Variants in METAP1D observed in about 807,000 individuals in gnomAD.
METAP1D encodes methionine aminopeptidase 1D, mitochondrial.
Under a neutral mutation model 40.5 loss-of-function variants are expected in METAP1D, and 31 were observed. That is an observed-to-expected ratio of 0.77 (90% CI 0.58 to 1.03). METAP1D has a LOEUF of 1.03. Ranked by LOEUF, METAP1D falls within the 50% of genes least tolerant of loss-of-function variation. METAP1D has a pLI of 0.00. For missense variants in METAP1D, 411 were observed against 420.7 expected, an observed-to-expected ratio of 0.98 and a Z score of 0.20; for synonymous variants, 151 against 146.4, an observed-to-expected ratio of 1.03 and a Z score of -0.22.
chr2:172,015,275 G>A (rs567248761), intron 1 of METAP1D, among the ~76,000 whole-genome samples: 1 of 152,266 alleles, frequency 6.6e-6, no homozygotes, highest in Admixed American at 6.5e-5. Context: ...AGCCAGGCAT[G>A]GTGGCGCCCA....
rs1426878908 is a variant in METAP1D at position 172,080,250 on chromosome 2, G to A, written c.929+44G>A. 4 of 1,613,904 alleles carry A rather than the reference G, an allele frequency of 2.5e-6. No individual in the cohort carries two copies. In the East Asian group the frequency reaches 8.9e-5, roughly 36 times the overall value. ...GTTGCTTTTAAATTGTATGGGAAAGGAAGATTGGTCCGACGGCGCGCTTGT... is the reference window on the plus strand; with the variant it reads ...GTTGCTTTTAAATTGTATGGGAAAGAAAGATTGGTCCGACGGCGCGCTTGT... On this transcript the variant is annotated intron_variant, in intron 9 of 9. Transcript: ENST00000315796.
chr2:172,008,497 C>T (rs1232709348), intron 1 of METAP1D, among the ~76,000 whole-genome samples: 2 of 152,162 alleles, frequency 1.3e-5, no homozygotes, highest in African/African-American at 4.8e-5. Flanking sequence ...GGTATGTTCC[C>T]AGACCCTCAG....
intron 1 of METAP1D, among the ~76,000 whole-genome samples, chr2:172,033,188 C>T (rs892283021): frequency 1.3e-5 from 2 of 151,784 alleles, no homozygotes; most frequent in Admixed American, 6.6e-5. Flanking sequence ...CACCAAGATA[C>T]AACTGGTAAG....
At chr2:172,045,443 TTG>T (rs1195128511) in intron 1 of METAP1D, among the ~76,000 whole-genome samples, 1 of 120,966 alleles carries the variant, frequency 8.3e-6, no homozygotes, top group African/African-American at 2.7e-5. Flanking sequence ...GGCAGATCAC[TTG>T]AGGTTGGGAG....
rs1689335065 is a variant in METAP1D at position 172,034,983 on chromosome 2, TTTC to T, written c.41-26512_41-26510del. On this transcript the variant is annotated intron_variant, in intron 1 of 9. Transcript: ENST00000315796. ...GAGAAACCCTGATTGTTAGAATTTT[TTTC>T]TTTTTTTTTTTTTTGTTGTTTTATT... Among the ~76,000 whole-genome samples, 9 of 149,724 alleles carry T rather than the reference TTTC, an allele frequency of 6.0e-5. No individual in the cohort carries two copies. The Admixed American group carries it at 6.0e-4, about 10-fold the overall frequency.
At chr2:172,053,529 C>T (rs1052927751) in intron 1 of METAP1D, among the ~76,000 whole-genome samples, 2 of 152,138 alleles carry the variant, frequency 1.3e-5, no homozygotes, top group Non-Finnish European at 2.9e-5. Flanking sequence ...TTGTTTTTCT[C>T]TCTTGGTAAT....
chr2:172,007,409 CAT>C (rs1688612930), intron 1 of METAP1D, among the ~76,000 whole-genome samples: 1 of 152,064 alleles, frequency 6.6e-6, no homozygotes. Flanking sequence ...TTTTCTTTAA[CAT>C]ATGTTTTAAA....
In METAP1D at chr2:172,061,562, A is replaced by C; in HGVS notation, c.105A>C (p.Gln35His). 1 of 1,613,896 alleles carries C rather than the reference A, an allele frequency of 6.2e-7. No individual in the cohort carries two copies. Among genetic ancestry groups the C allele is most frequent in the South Asian group, 1.1e-5 (1 of 91,052 alleles). The stretch of plus-strand genomic sequence containing the variant: ...ACTTACACAAGCAGTCAAGCAGTCA[A>C]CAAAGAAGAAATTTCTTTTTTCGGA... ...HIYLHKQSSS[Q>H]QRRNFFFRRQ... Residue 35 changes from glutamine to histidine, a missense_variant, in exon 2 of 10, where the codon CAA (glutamine) becomes CAC (histidine). Coordinates refer to ENST00000315796, the MANE Select transcript of METAP1D (RefSeq NM_199227.3).
chr2:172,000,753 C>G (rs1314481306), intron 1 of METAP1D, among the ~76,000 whole-genome samples: 1 of 152,122 alleles, frequency 6.6e-6, no homozygotes, highest in African/African-American at 2.4e-5. Context: ...TTATTAAGTG[C>G]CTTTTAAGTA....
chr2:172,064,310 G>A (rs1274094411), intron 3 of METAP1D: 2 of 154,582 alleles, frequency 1.3e-5, no homozygotes, highest in Non-Finnish European at 1.4e-5. Flanking sequence ...ACACAAAGCT[G>A]TAGGTAATAT....
chr2:172,071,200 C>A, intron 6 of METAP1D, 130 bp downstream of exon 6: 1 of 686,574 alleles, frequency 1.5e-6, no homozygotes, highest in Non-Finnish European at 2.1e-6. Flanking sequence ...AGTATGTGAA[C>A]TGCCAGGCTG....
intron 1 of METAP1D, among the ~76,000 whole-genome samples, chr2:172,019,679 A>G (rs1210306968): frequency 1.3e-5 from 2 of 152,196 alleles, no homozygotes; most frequent in Non-Finnish European, 2.9e-5. Flanking sequence ...CTTAGCACCT[A>G]TAAACTTTAT....
At chr2:172,028,311 C>A (rs1239357684) in intron 1 of METAP1D, among the ~76,000 whole-genome samples, 1 of 152,094 alleles carries the variant, frequency 6.6e-6, no homozygotes. Context: ...CTCTGAGGAG[C>A]AGAAAGGGGG....
rs1670671936 is a variant in METAP1D at position 172,081,771 on chromosome 2, C to CT, written c.*1368dup. ...TGACATCCCTTAAAGATAACTTGGG[C>CT]TTTCGGAAGCGGCAAGGAAATGGCA... On this transcript the variant is annotated 3_prime_UTR_variant, in exon 10 of 10. Transcript: ENST00000315796. The CT allele has an allele frequency of 6.6e-6, 1 of 152,246 alleles. No homozygotes were observed. 9.4% of individuals were successfully genotyped at this position (152,246 alleles called of 1,614,324 possible).
At chr2:172,051,870 C>T (rs1189840924) in intron 1 of METAP1D, among the ~76,000 whole-genome samples, 1 of 152,096 alleles carries the variant, frequency 6.6e-6, no homozygotes, top group African/African-American at 2.4e-5. Flanking sequence ...AAATTGCAAA[C>T]TTAGAGCAGT....
chr2:172,034,816 G>A (rs896747503), intron 1 of METAP1D, among the ~76,000 whole-genome samples: 3 of 152,016 alleles, frequency 2.0e-5, no homozygotes, highest in Non-Finnish European at 2.9e-5. Flanking sequence ...ATTAAATGTC[G>A]TGTAGACAAC....
intron 1 of METAP1D, among the ~76,000 whole-genome samples, chr2:172,009,676 A>G (rs570894239): frequency 6.6e-6 from 1 of 152,302 alleles, no homozygotes; most frequent in Admixed American, 6.5e-5. Flanking sequence ...AGAGTGGAAG[A>G]CTGTAGGGTA....
At chr2:172,006,886 G>T (rs549065288) in intron 1 of METAP1D, among the ~76,000 whole-genome samples, 1 of 152,156 alleles carries the variant, frequency 6.6e-6, no homozygotes, top group South Asian at 2.1e-4. Context: ...TTTTTACCGT[G>T]TATCTCTAAA....
In METAP1D at chr2:172,043,106, TATATATATA is replaced by T. The variant is rs1489806262; in HGVS notation, c.41-18391_41-18383del. Among the ~76,000 whole-genome samples, 13 of 111,696 alleles carry T rather than the reference TATATATATA, an allele frequency of 1.2e-4. 2 individuals carry two copies. Among genetic ancestry groups the T allele is most frequent in the African/African-American group, 3.2e-4 (11 of 34,160 alleles). The allele number at this position is 111,696 out of a possible 152,430, so 73.3% of individuals were successfully genotyped here. The stretch of plus-strand genomic sequence containing the variant: ...ACATATATTTACATACATATATATA[TATATATATA>T]TATTTTTTGGGATACAGGATCTCAC... On this transcript the variant is annotated intron_variant, in intron 1 of 9. Coordinates refer to ENST00000315796, the MANE Select transcript of METAP1D (RefSeq NM_199227.3).
Sources: allele counts gnomAD v4.1 joint callset (sites outside exome capture counted in the v4.1 genomes callset), GRCh38; gene constraint gnomAD v4.1.1; transcripts MANE v1.5; gene names NCBI Gene and HGNC (gene_info 2026-07-23, HGNC 2026-07-21).